Variants in GMDS observed in about 807,000 individuals in gnomAD.
GMDS encodes the protein GDP-mannose 4,6-dehydratase, also known as GDP-mannose 4,6 dehydratase.
A neutral mutation model predicts 49.9 loss-of-function variants in GMDS; 20 were observed. The ratio of observed to expected loss-of-function variants is 0.40; its 90% CI spans 0.28 to 0.58. The LOEUF is 0.58. GMDS is among the 20% of genes least tolerant of loss of function. GMDS has a pLI of 0.42. For synonymous variants in GMDS, 177 were observed against 178.6 expected (o/e 0.99, Z 0.07); for missense variants, 362 against 481.4 (o/e 0.75, Z 2.32).
At chr6:1,844,954 A>C (rs1199307464) in intron 7 of GMDS, among the ~76,000 whole-genome samples, 1 of 152,232 alleles carries the variant, frequency 6.6e-6, no homozygotes, top group African/African-American at 2.4e-5. Flanking sequence ...AGGAAGGAAA[A>C]TTTGGCCTCA....
At chr6:1,868,844 C>T (rs910487786) in intron 7 of GMDS, among the ~76,000 whole-genome samples, 1 of 152,124 alleles carries the variant, frequency 6.6e-6, no homozygotes, top group Non-Finnish European at 1.5e-5. Context: ...ATTATTTGTA[C>T]ATTATTTGAA....
At chr6:2,098,695 A>T (rs2127483638) in intron 4 of GMDS, among the ~76,000 whole-genome samples, 1 of 152,298 alleles carries the variant, frequency 6.6e-6, no homozygotes, top group Non-Finnish European at 1.5e-5. Flanking sequence ...ACTATGGCTG[A>T]TAATAAGCTT....
chr6:1,641,441 G>A (rs960389321), intron 9 of GMDS, among the ~76,000 whole-genome samples: 3 of 152,264 alleles, frequency 2.0e-5, no homozygotes, highest in African/African-American at 7.2e-5. Context: ...TCCTGTCAAA[G>A]GAGGGAAATA....
intron 7 of GMDS, among the ~76,000 whole-genome samples, chr6:1,915,585 A>G (rs1026262889): frequency 1.3e-5 from 2 of 152,212 alleles, no homozygotes; most frequent in Admixed American, 6.5e-5. Context: ...TTAAGTTGAA[A>G]TATGACAGTA....
intron 1 of GMDS, among the ~76,000 whole-genome samples, chr6:2,126,415 A>G (rs1234421164): frequency 6.6e-6 from 1 of 152,128 alleles, no homozygotes; most frequent in African/African-American, 2.4e-5. Flanking sequence ...AAAAGCTCCT[A>G]CCAGATATTC....
chr6:1,933,081 T>C (rs1471517087), intron 6 of GMDS, among the ~76,000 whole-genome samples: 2 of 152,230 alleles, frequency 1.3e-5, no homozygotes, highest in Non-Finnish European at 2.9e-5. Context: ...ATCTACCTTT[T>C]ATCTCTAGAT....
intron 4 of GMDS, among the ~76,000 whole-genome samples, chr6:1,981,872 C>T (rs1765238195): frequency 6.6e-6 from 1 of 152,228 alleles, no homozygotes; most frequent in African/African-American, 2.4e-5. Flanking sequence ...GTTTAACATA[C>T]ACAAATCAAT....
intron 7 of GMDS, among the ~76,000 whole-genome samples, chr6:1,882,129 T>G (rs1759393076): frequency 3.9e-5 from 6 of 152,202 alleles, no homozygotes; most frequent in Admixed American, 3.3e-4. Context: ...AAAAACATGG[T>G]GTGGTATTTT....
chr6:1,709,616 A>G (rs1765876517), intron 9 of GMDS, among the ~76,000 whole-genome samples: 2 of 152,180 alleles, frequency 1.3e-5, no homozygotes, highest in African/African-American at 4.8e-5. Flanking sequence ...CACAGATGGA[A>G]GGAGAAGTGG....
At chr6:1,763,362 C>T (rs1041793551) in intron 7 of GMDS, among the ~76,000 whole-genome samples, 1 of 152,212 alleles carries the variant, frequency 6.6e-6, no homozygotes, top group Non-Finnish European at 1.5e-5. Context: ...TGACTTAGGT[C>T]TTCAAGGGAA....
At chr6:1,876,015 C>CAAAAAAAAAAAAAAAAAAAAAAAAA (rs112121475) in intron 7 of GMDS, among the ~76,000 whole-genome samples, 1 of 129,266 alleles carries the variant, frequency 7.7e-6, no homozygotes, top group African/African-American at 3.2e-5. Context: ...AGCACTATCT[C>CAAAAAAAAAAAAAAAAAAAAAAAAA]AAAAAAAAAA....
intron 9 of GMDS, among the ~76,000 whole-genome samples, chr6:1,656,350 C>G (rs1190403148): frequency 6.6e-6 from 1 of 152,084 alleles, no homozygotes; most frequent in African/African-American, 2.4e-5. Flanking sequence ...GACAGATTTG[C>G]CATCACAAAT....
At chr6:1,961,596 G>A (rs1763948930) in intron 4 of GMDS, among the ~76,000 whole-genome samples, 2 of 152,140 alleles carry the variant, frequency 1.3e-5, no homozygotes, top group Non-Finnish European at 2.9e-5. Flanking sequence ...GTTCTTTAGA[G>A]CACTTTTTAA....
At chr6:2,099,111 A>G (rs1386507826) in intron 4 of GMDS, among the ~76,000 whole-genome samples, 2 of 152,136 alleles carry the variant, frequency 1.3e-5, no homozygotes, top group Non-Finnish European at 2.9e-5. Flanking sequence ...TCTACGTTTA[A>G]CCACTATTTT....
intron 1 of GMDS, among the ~76,000 whole-genome samples, chr6:2,127,410 A>T (rs200962245): frequency 1.4e-4 from 4 of 28,848 alleles, no homozygotes; most frequent in Admixed American, 1.2e-3. Flanking sequence ...TAAATGTTTA[A>T]AAAAAAAAAA....
chr6:1,912,379 A>T (rs34494022), intron 7 of GMDS, among the ~76,000 whole-genome samples: 1,582 of 152,332 alleles, frequency 0.01, 17 homozygotes, highest in Middle Eastern at 0.024. Flanking sequence ...AAAATTTTTT[A>T]AAAAGTGATC....
chr6:1,984,496 T>C (rs973165204), intron 4 of GMDS, among the ~76,000 whole-genome samples: 2 of 139,770 alleles, frequency 1.4e-5, no homozygotes, highest in Non-Finnish European at 3.0e-5. Flanking sequence ...AAACAAGACA[T>C]CTGGGCATCA....
intron 7 of GMDS, among the ~76,000 whole-genome samples, chr6:1,845,705 G>C (rs1757372056): frequency 6.6e-6 from 1 of 152,120 alleles, no homozygotes; most frequent in Non-Finnish European, 1.5e-5. Context: ...CAGATCATCA[G>C]GCATTAGATT....
chr6:1,696,245 C>G (rs1263478001), intron 9 of GMDS, among the ~76,000 whole-genome samples: 1 of 152,216 alleles, frequency 6.6e-6, no homozygotes, highest in African/African-American at 2.4e-5. Flanking sequence ...CCTTCTACCA[C>G]ACACCTATAA....
Sources: allele counts gnomAD v4.1 joint callset (sites outside exome capture counted in the v4.1 genomes callset), GRCh38; gene constraint gnomAD v4.1.1; transcripts MANE v1.5; gene names NCBI Gene and HGNC (gene_info 2026-07-23, HGNC 2026-07-21).